Variants in MLLT3 observed in about 807,000 individuals in gnomAD.
MLLT3 encodes MLLT3 super elongation complex subunit, also known as protein AF-9.
MLLT3 carries 4 observed loss-of-function variants against 53.2 expected under a neutral mutation model. That is an observed-to-expected ratio of 0.08 (90% CI 0.04 to 0.17). The LOEUF (loss-of-function observed/expected upper bound fraction) is 0.17, where lower values mean the gene tolerates loss of function less well. MLLT3 is among the 10% of genes least tolerant of loss of function. The probability of loss-of-function intolerance (pLI) is 1.00; values close to 1 mark genes in which losing one functional copy is unlikely to be tolerated. For missense variants in MLLT3, 569 were observed against 684.0 expected, an observed-to-expected ratio of 0.83 and a Z score of 1.87; for synonymous variants, 283 against 230.6, an observed-to-expected ratio of 1.23 and a Z score of -2.06.
At chr9:20,478,906 C>A (rs895136325) in intron 2 of MLLT3, among the ~76,000 whole-genome samples, 1 of 152,076 alleles carries the variant, frequency 6.6e-6, no homozygotes, top group East Asian at 1.9e-4. Context: ...AACTTCAACA[C>A]GGAATTTTCC....
In MLLT3 at chr9:20,482,852, T is replaced by C. The variant is rs1474792765; in HGVS notation, c.194-26066A>G. ...CACCTCTGTCCTTGCCATTTACTTATACCTGTTGTTTCTTACATAAATCAT... is the reference window on the plus strand; with the variant it reads ...CACCTCTGTCCTTGCCATTTACTTACACCTGTTGTTTCTTACATAAATCAT... On this transcript the variant is annotated intron_variant, in intron 2 of 10. Transcript: ENST00000380338. Among the ~76,000 whole-genome samples, 3 of 152,338 alleles carry C rather than the reference T, an allele frequency of 2.0e-5. No homozygotes were observed. The East Asian group carries it at 5.8e-4, about 29-fold the overall frequency.
intron 2 of MLLT3, among the ~76,000 whole-genome samples, chr9:20,520,914 G>C (rs539981763): frequency 6.6e-6 from 1 of 152,344 alleles, no homozygotes; most frequent in African/African-American, 2.4e-5. Flanking sequence ...CTAAGAGTGG[G>C]AGAAGCAGGA....
At chr9:20,545,813 GT>G (rs1382511893) in intron 2 of MLLT3, among the ~76,000 whole-genome samples, 1 of 138,716 alleles carries the variant, frequency 7.2e-6, no homozygotes, top group Non-Finnish European at 1.5e-5. Flanking sequence ...GAAGACAGGA[GT>G]TCGAGACTAG....
At chr9:20,547,334 C>A (rs1228212895) in intron 2 of MLLT3, among the ~76,000 whole-genome samples, 1 of 151,906 alleles carries the variant, frequency 6.6e-6, no homozygotes, top group Middle Eastern at 3.4e-3. Flanking sequence ...ATGCCCGGCC[C>A]TCATACTGTC....
intron 2 of MLLT3, among the ~76,000 whole-genome samples, chr9:20,516,365 A>T (rs1232416378): frequency 6.6e-6 from 1 of 152,224 alleles, no homozygotes; most frequent in Non-Finnish European, 1.5e-5. Context: ...TATACACACT[A>T]AAATACTTTA....
chr9:20,551,669 T>C (rs1394831411), intron 2 of MLLT3, among the ~76,000 whole-genome samples: 1 of 152,180 alleles, frequency 6.6e-6, no homozygotes, highest in Non-Finnish European at 1.5e-5. Flanking sequence ...GGTGACACAG[T>C]GCATGACTTC....
intron 10 of MLLT3, among the ~76,000 whole-genome samples, chr9:20,348,373 A>T (rs1361743046): frequency 6.6e-6 from 1 of 152,202 alleles, no homozygotes; most frequent in Non-Finnish European, 1.5e-5. Context: ...ATATTTCTGA[A>T]AAGGGTATGG....
chr9:20,506,559 G>A (rs577036441), intron 2 of MLLT3, among the ~76,000 whole-genome samples: 9 of 152,064 alleles, frequency 5.9e-5, no homozygotes, highest in South Asian at 2.1e-4. Flanking sequence ...GATTTCTGGC[G>A]TTGACTCATT....
intron 4 of MLLT3, among the ~76,000 whole-genome samples, chr9:20,435,052 G>A (rs1417214764): frequency 1.3e-5 from 2 of 152,114 alleles, no homozygotes; most frequent in Admixed American, 6.6e-5. Flanking sequence ...AGTCTTTAGA[G>A]ACTCAGAGCC....
intron 2 of MLLT3, among the ~76,000 whole-genome samples, chr9:20,523,985 CCA>C (rs1285425720): frequency 1.3e-4 from 20 of 148,652 alleles, no homozygotes; most frequent in Non-Finnish European, 3.0e-4. Context: ...AAAAAAAAAG[CCA>C]CAGACACACA....
intron 2 of MLLT3, among the ~76,000 whole-genome samples, chr9:20,564,129 A>G (rs536244330): frequency 6.6e-6 from 1 of 152,278 alleles, no homozygotes; most frequent in South Asian, 2.1e-4. Flanking sequence ...ACAAATTAGC[A>G]GGTAATATAT....
intron 2 of MLLT3, among the ~76,000 whole-genome samples, chr9:20,556,029 G>C (rs948620829): frequency 6.6e-6 from 1 of 151,972 alleles, no homozygotes; most frequent in African/African-American, 2.4e-5. Context: ...AGTTTTTTCA[G>C]TGCCTGCATC....
intron 2 of MLLT3, among the ~76,000 whole-genome samples, chr9:20,515,712 C>T (rs1416929941): frequency 6.6e-6 from 1 of 152,226 alleles, no homozygotes; most frequent in East Asian, 1.9e-4. Context: ...CCTGGGGTCC[C>T]ATATGGCAAC....
intron 2 of MLLT3, among the ~76,000 whole-genome samples, chr9:20,507,017 T>C (rs1244489834): frequency 6.6e-6 from 1 of 152,218 alleles, no homozygotes; most frequent in Non-Finnish European, 1.5e-5. Flanking sequence ...ACACTTACTA[T>C]TCAATTGGCA....
intron 2 of MLLT3, among the ~76,000 whole-genome samples, chr9:20,568,409 G>A (rs1264896928): frequency 6.6e-6 from 1 of 152,138 alleles, no homozygotes; most frequent in Non-Finnish European, 1.5e-5. Flanking sequence ...TTAATGGAGG[G>A]ATTATGGATA....
intron 2 of MLLT3, among the ~76,000 whole-genome samples, chr9:20,497,410 G>A (rs1055336583): frequency 6.6e-6 from 1 of 151,898 alleles, no homozygotes; most frequent in African/African-American, 2.4e-5. Context: ...ACCCCTAAAA[G>A]TTTTCCCCGA....
At chr9:20,557,441 T>C (rs1431926275) in intron 2 of MLLT3, among the ~76,000 whole-genome samples, 1 of 152,198 alleles carries the variant, frequency 6.6e-6, no homozygotes, top group Non-Finnish European at 1.5e-5. Flanking sequence ...TGAATTAATA[T>C]AGCTAAAACC....
At chr9:20,553,991 T>C (rs768934509) in intron 2 of MLLT3, among the ~76,000 whole-genome samples, 9 of 152,200 alleles carry the variant, frequency 5.9e-5, no homozygotes, top group Non-Finnish European at 1.3e-4. Context: ...AGCAAATCAA[T>C]TGTAATGGTC....
chr9:20,594,603 A>G (rs987081226), intron 2 of MLLT3, among the ~76,000 whole-genome samples: 3 of 152,208 alleles, frequency 2.0e-5, no homozygotes, highest in African/African-American at 4.8e-5. Context: ...TAGTCACAGG[A>G]TAAGACAAAA....
Sources: allele counts gnomAD v4.1 joint callset (sites outside exome capture counted in the v4.1 genomes callset), GRCh38; gene constraint gnomAD v4.1.1; transcripts MANE v1.5; gene names NCBI Gene and HGNC (gene_info 2026-07-23, HGNC 2026-07-21).